DNAH10: variants seen among roughly 807,000 people sequenced by gnomAD.
DNAH10 encodes the protein dynein axonemal heavy chain 10, also known as axonemal beta dynein heavy chain 10.
DNAH10 carries 348 observed loss-of-function variants against 506.6 expected under a neutral mutation model. The observed-to-expected ratio is 0.69, with a 90% CI of 0.63 to 0.75. The LOEUF is 0.75. Among genes scored for constraint, DNAH10 ranks in the 30% least tolerant of loss-of-function variants. DNAH10 has a pLI of 0.00. For missense variants in DNAH10, 5,179 were observed against 5,787.1 expected (o/e 0.89, Z 3.41); for synonymous variants, 2,059 against 2,198.6 (o/e 0.94, Z 1.78).
Position 123,902,793 on chromosome 12 carries a change from A to C in DNAH10, c.9641-146A>C. On this transcript the variant is annotated intron_variant, in intron 56 of 78. Transcript: ENST00000673944. This position sits in a 1 kb window ranked among gnomAD's most constrained non-coding sequence, Gnocchi z 4.5. ...TGAGGTTTTCTGTCCCACCAGGATC[A>C]CTGAGGCTGCCACATTGGCCAGAGC... 1 of 1,052,284 alleles carries C rather than the reference A, an allele frequency of 9.5e-7. No homozygotes were observed. Among genetic ancestry groups the C allele is most frequent in the Non-Finnish European group, 1.3e-6 (1 of 750,002 alleles). The allele number at this position is 1,052,284 out of a possible 1,614,324, so 65.2% of individuals were successfully genotyped here.
chr12:123,873,645 G>T lies in DNAH10; in HGVS notation c.7873G>T (p.Asp2625Tyr), dbSNP rs758837808. ...AGCAAATGTGGAAAAGCGAACCAAAGATACTTACGGCCCACCCATGGGAAA... is the reference window on the plus strand; with the variant it reads ...AGCAAATGTGGAAAAGCGAACCAAATATACTTACGGCCCACCCATGGGAAA... ...LEANVEKRTK[D>Y]TYGPPMGKRL... Residue 2625 changes from aspartate (D) to tyrosine (Y), a missense_variant, in exon 46 of 79, where the codon GAT (aspartate) becomes TAT (tyrosine). Around this residue, in one of 3 missense-constraint regions of DNAH10, gnomAD observed 4,844 missense variants for 5,430.5 expected, o/e 0.89. Transcript: ENST00000673944. The T allele has an allele frequency of 1.9e-6, 3 of 1,613,828 alleles. No homozygotes were observed. In the Admixed American group the frequency reaches 5.0e-5, roughly 27 times the overall value.
At chr12:123,806,775 T>G (rs904292944) in intron 18 of DNAH10, among the ~76,000 whole-genome samples, 4 of 151,628 alleles carry the variant, frequency 2.6e-5, no homozygotes, top group Non-Finnish European at 5.9e-5. Context: ...TATGTTTTTT[T>G]TTTTTTTTTT....
At chr12:123,896,148 C>CACACACACAGAG (rs1383690518) in intron 54 of DNAH10, among the ~76,000 whole-genome samples, 235 of 95,252 alleles carry the variant, frequency 2.5e-3, no homozygotes, top group East Asian at 5.8e-3. Context: ...CACACACACA[C>CACACACACAGAG]AGAGAGAGAG....
rs748581634 is a variant in DNAH10 at position 123,879,328 on chromosome 12, C to T, written c.8437C>T (p.Arg2813Trp). 7.0e-6 allele frequency: 11 copies of T among 1,573,936 alleles called. No homozygotes were observed. Among genetic ancestry groups the T allele is most frequent in the South Asian group, 3.5e-5 (3 of 85,338 alleles). Residue 2813 changes from arginine to tryptophan, a missense_variant, in exon 49 of 79, where the codon CGG becomes TGG. Physicochemically the swap from Arg to Trp is moderately radical, Grantham distance 101 (BLOSUM62 -3). Around this residue, in one of 3 missense-constraint regions of DNAH10, gnomAD observed 4,844 missense variants for 5,430.5 expected, o/e 0.89. Transcript: ENST00000673944. ...TGAGTGTCTGAGAGTCTTCCACGAC[C>T]GGCTGATCAGTGAAACAGACAAGCA... is the stretch of plus-strand genomic sequence containing the variant. ...RNECLRVFHD[R>W]LISETDKQLV... is the part of the protein sequence containing the mutation.
chr12:123,928,855 G>T lies in DNAH10; in HGVS notation c.12306+268G>T. The T allele has an allele frequency of 2.1e-6, 1 of 483,740 alleles. No homozygotes were observed. Among genetic ancestry groups the T allele is most frequent in the Non-Finnish European group, 3.5e-6 (1 of 284,082 alleles). 30.0% of individuals were successfully genotyped at this position (483,740 alleles called of 1,614,324 possible). A position where few individuals can be genotyped will look rare whatever the true frequency, so the allele number is the denominator to read the frequency against. ...CTACGCTACTTTTCATAAACTTCAC[G>T]GCCCCCCCCCCCACACACAGCCTGC... On this transcript the variant is annotated intron_variant, in intron 70 of 78. Transcript: ENST00000673944. This position sits in a 1 kb window ranked among gnomAD's most constrained non-coding sequence, Gnocchi z 4.9.
intron 50 of DNAH10, among the ~76,000 whole-genome samples, chr12:123,880,116 CA>C (rs1952440107): frequency 2.6e-5 from 4 of 152,166 alleles, no homozygotes; most frequent in Admixed American, 6.5e-5. Flanking sequence ...CATTTAAATT[CA>C]TGAGATGAGC....
chr12:123,901,721 C>T (rs1369258008), intron 56 of DNAH10, among the ~76,000 whole-genome samples: 3 of 152,110 alleles, frequency 2.0e-5, no homozygotes, highest in Non-Finnish European at 1.5e-5. Context: ...AGTGCAGTGG[C>T]GCGATCTCGG....
intron 73 of DNAH10, 56 bp from the exon 74 acceptor site, chr12:123,931,270 TTGAGGCTGTGGGCCC>T: frequency 6.3e-7 from 1 of 1,585,734 alleles, no homozygotes; most frequent in Non-Finnish European, 8.6e-7. Flanking sequence ...CTTGGAGACT[TTGAGGCTGTGGGCCC>T]TGAGAAAGCA....
rs1040256943 is a variant in DNAH10 at position 123,762,656 on chromosome 12, C to A, written c.214+106C>A. The A allele has an allele frequency of 3.2e-5, 40 of 1,234,768 alleles. No individual in the cohort carries two copies. The highest frequency in any genetic ancestry group is 4.3e-5 in the Non-Finnish European group (39 of 916,004). The allele number at this position is 1,234,768 out of a possible 1,614,324, so 76.5% of individuals were successfully genotyped here. On this transcript the variant is annotated intron_variant, in intron 1 of 78. Transcript: ENST00000673944. The surrounding 1 kb of genome is among the most constrained non-coding windows in gnomAD (Gnocchi z 5.0). Reference sequence around the variant, plus strand: ...GAGCCTGCCCATCGTCCGGCCCCGGCCTCAGGTGCTGTCCACAAACGCTGC... The same window carrying A: ...GAGCCTGCCCATCGTCCGGCCCCGGACTCAGGTGCTGTCCACAAACGCTGC...
chr12:123,771,548 T>G lies in DNAH10; in HGVS notation c.299-53T>G, dbSNP rs79342289. The G allele has an allele frequency of 3.5e-3, 5,243 of 1,504,146 alleles. 148 individuals are homozygous for G. In the African/African-American group the frequency reaches 0.06, roughly 17 times the overall value. The allele number at this position is 1,504,146 out of a possible 1,614,324, so 93.2% of individuals were successfully genotyped here. ...CAAAATGCAGGGCTGCTCTTGATGG[T>G]AGGAAACCTAATTTTCTGATTATTT... On this transcript the variant is annotated intron_variant, in intron 2 of 78. Coordinates refer to ENST00000673944, the MANE Select transcript of DNAH10 (RefSeq NM_001372106.1).
In DNAH10 at chr12:123,930,411, G is replaced by A. The variant is rs1377212772; in HGVS notation, c.12622G>A (p.Gly4208Arg). 10 of 1,578,542 alleles carry A rather than the reference G, an allele frequency of 6.3e-6. No individual in the cohort carries two copies. The highest frequency in any genetic ancestry group is 8.6e-6 in the Non-Finnish European group (10 of 1,166,100). Residue 4208 changes from glycine (G) to arginine (R), a missense_variant, in exon 73 of 79, where the codon GGA (glycine) becomes AGA (arginine). Physicochemically the swap from Gly to Arg is moderately radical, Grantham distance 125 (BLOSUM62 -2). Around this residue, in one of 3 missense-constraint regions of DNAH10, gnomAD observed 4,844 missense variants for 5,430.5 expected, o/e 0.89. Coordinates refer to ENST00000673944, the MANE Select transcript of DNAH10 (RefSeq NM_001372106.1). ...LKYLIGEVMY[G>R]GRAIDSFDRR... is the part of the protein sequence containing the mutation. ...GGCCCTCTAATTTCAGGTCATGTAT[G>A]GAGGACGGGCCATCGACAGCTTTGA...
At chr12:123,795,989 G>T (rs1244226259) in intron 12 of DNAH10, among the ~76,000 whole-genome samples, 1 of 152,010 alleles carries the variant, frequency 6.6e-6, no homozygotes, top group Non-Finnish European at 1.5e-5. Flanking sequence ...CCATGAATAT[G>T]TATACTTTAC....
chr12:123,838,881 T>G (rs928371012), intron 29 of DNAH10, among the ~76,000 whole-genome samples, 192 bp downstream of exon 29: 1 of 152,200 alleles, frequency 6.6e-6, no homozygotes, highest in African/African-American at 2.4e-5. Flanking sequence ...GGTACAATCA[T>G]GGCTCATTGC....
rs765856069 is a variant in DNAH10 at position 123,877,760 on chromosome 12, G to A, written c.8224G>A (p.Val2742Met). The change falls in exon 48 of 79, where the codon GTG becomes ATG. Residue 2742 changes from valine (V) to methionine (M), a missense_variant. Physicochemically the swap from Val to Met is conservative, Grantham distance 21. Coordinates refer to ENST00000673944, the MANE Select transcript of DNAH10 (RefSeq NM_001372106.1). ...GACGTTTCATGAGAGCATTGTGGCT[G>A]TGAGTGGCAAGCTGACATTCTGCAC... ...TSTFHESIVA[V>M]SGKLTFCTLA... 11 of 1,613,672 alleles carry A rather than the reference G, an allele frequency of 6.8e-6. No individual in the cohort carries two copies. Among genetic ancestry groups the A allele is most frequent in the South Asian group, 3.3e-5 (3 of 91,010 alleles).
At chr12:123,780,882 G>A (rs114199292) in intron 5 of DNAH10, among the ~76,000 whole-genome samples, 198 bp from the exon 6 acceptor site, 1,658 of 149,766 alleles carry the variant, frequency 0.011, 32 homozygotes, top group African/African-American at 0.038. Flanking sequence ...TGGTGAGGTG[G>A]AGGTTGCAGT....
At chr12:123,897,707 A>G (rs1953317897) in intron 54 of DNAH10, 63 bp from the exon 55 acceptor site, 1 of 1,556,726 alleles carries the variant, frequency 6.4e-7, no homozygotes, top group African/African-American at 1.4e-5. Flanking sequence ...CCTGGGCAAC[A>G]GAGTGAGACC....
rs561315827 is a variant in DNAH10, at chr12:123,912,741, G to C, written c.10135-357G>C. On this transcript the variant is annotated intron_variant, in intron 59 of 78. Transcript: ENST00000673944. ...AGTCATATTGTGACCTTGCGCTATA[G>C]CTCGGAATTGTATTATTCAGAAAGC... 5.3e-5 allele frequency among the ~76,000 whole-genome samples: 8 copies of C among 152,338 alleles called. No homozygotes were observed. In the East Asian group the frequency reaches 1.5e-3, roughly 29 times the overall value.
In DNAH10 at chr12:123,848,093, A is replaced by G; in HGVS notation, c.5947A>G (p.Arg1983Gly). 1 of 1,613,154 alleles carries G rather than the reference A, an allele frequency of 6.2e-7. No homozygotes were observed. Among genetic ancestry groups the G allele is most frequent in the Non-Finnish European group, 8.5e-7 (1 of 1,179,428 alleles). ...VTNCGEGMDY[R>G]AVGKIFSGLA... ...CAACTGTGGCGAAGGCATGGATTAC[A>G]GGGTAAGGCCTGGCTGTCACCTTTG... Residue 1983 changes from arginine to glycine, a missense_variant and splice_region_variant, in exon 33 of 79, where the codon AGG becomes GGG. Physicochemically the swap from Arg to Gly is moderately radical, Grantham distance 125 (BLOSUM62 -2). Around this residue, in one of 3 missense-constraint regions of DNAH10, gnomAD observed 4,844 missense variants for 5,430.5 expected, o/e 0.89. Coordinates refer to ENST00000673944, the MANE Select transcript of DNAH10 (RefSeq NM_001372106.1).
chr12:123,933,745 A>G (rs1404558174), intron 77 of DNAH10, among the ~76,000 whole-genome samples: 1 of 152,184 alleles, frequency 6.6e-6, no homozygotes, highest in African/African-American at 2.4e-5. Flanking sequence ...GGTCTATGGC[A>G]GGGGAGACCT....
Sources: gnomAD v4.1 joint callset for allele counts (sites outside exome capture counted in the v4.1 genomes callset) on GRCh38, gnomAD v4.1.1 for gene constraint, gnomAD v4.1.1 regional missense constraint, Gnocchi (gnomAD v3.1) non-coding constraint, MANE v1.5 for transcripts, NCBI Gene and HGNC (gene_info 2026-07-23, HGNC 2026-07-21) for gene names.